JAK1: variants seen among roughly 807,000 people sequenced by gnomAD.
The protein encoded by JAK1 is tyrosine-protein kinase JAK1.
Under a neutral mutation model 136.6 loss-of-function variants are expected in JAK1, and 16 were observed. That is an observed-to-expected ratio of 0.12 (90% confidence interval 0.08 to 0.18). The LOEUF is 0.18. Ranked by LOEUF, JAK1 falls within the 10% of genes least tolerant of loss-of-function variation. JAK1 has a pLI of 1.00. For missense variants in JAK1, 859 were observed against 1,450.1 expected (o/e 0.59, Z 6.62); for synonymous variants, 492 against 519.5 (o/e 0.95, Z 0.72).
rs1295325497 is a variant in JAK1, at chr1:64,984,844, A to G, written c.-78+59636T>C. On this transcript the variant is annotated intron_variant, in intron 2 of 25. Coordinates refer to the JAK1 transcript ENST00000671954. This position sits in a 1 kb window ranked among gnomAD's most constrained non-coding sequence, Gnocchi z 4.1. ...TAGTAAGCAGCAGAAGGGAAAAGCA[A>G]TCTGACTAGGAAGTTGGAGGTCCAG... 18 of 1,165,370 alleles carry G rather than the reference A, an allele frequency of 1.5e-5. No individual in the cohort carries two copies. The highest frequency in any genetic ancestry group is 2.3e-5 in the Non-Finnish European group (18 of 777,638). The allele number at this position is 1,165,370 out of a possible 1,614,324, so 72.2% of individuals were successfully genotyped here. A position where few individuals can be genotyped will look rare whatever the true frequency, so the allele number is the denominator to read the frequency against.
intron 2 of JAK1, among the ~76,000 whole-genome samples, chr1:64,979,359 A>C (rs550076686): frequency 1.8e-4 from 27 of 152,348 alleles, no homozygotes; most frequent in African/African-American, 6.0e-4. Context: ...TGCTCATGCC[A>C]TTGCACCCCA....
At chr1:64,882,884 T>A (rs1188458945) in intron 3 of JAK1, among the ~76,000 whole-genome samples, 1 of 152,194 alleles carries the variant, frequency 6.6e-6, no homozygotes, top group Admixed American at 6.5e-5. Flanking sequence ...GATATTGAGA[T>A]ACGCTACTTG....
intron 1 of JAK1, among the ~76,000 whole-genome samples, chr1:64,890,302 T>C (rs566612598): frequency 7.1e-4 from 108 of 151,962 alleles, no homozygotes; most frequent in African/African-American, 2.2e-3. Context: ...AATTAGGTGA[T>C]CAAGAAGTAT....
chr1:64,914,547 T>C (rs1645358403), intron 1 of JAK1, among the ~76,000 whole-genome samples: 1 of 152,126 alleles, frequency 6.6e-6, no homozygotes, highest in Admixed American at 6.6e-5. Context: ...AACTGGGAAG[T>C]ATCTGGGCAA....
chr1:64,867,699 G>C (rs1014496353), intron 6 of JAK1, among the ~76,000 whole-genome samples: 1 of 152,172 alleles, frequency 6.6e-6, no homozygotes. Context: ...TTTTAAAAAT[G>C]AGAAAGAAAG....
At chr1:64,946,185 A>G (rs934579086) in intron 1 of JAK1, among the ~76,000 whole-genome samples, 4 of 152,254 alleles carry the variant, frequency 2.6e-5, no homozygotes, top group African/African-American at 7.2e-5. Flanking sequence ...CAGTAGGAGG[A>G]GCATCAGAGC....
chr1:64,922,889 T>C (rs984698414), intron 1 of JAK1, among the ~76,000 whole-genome samples: 2 of 152,212 alleles, frequency 1.3e-5, no homozygotes, highest in Admixed American at 1.3e-4. Flanking sequence ...CTTGAGCTTC[T>C]AAGCCTTACA....
chr1:64,889,487 T>C (rs572774445), intron 1 of JAK1, among the ~76,000 whole-genome samples: 2 of 152,290 alleles, frequency 1.3e-5, no homozygotes, highest in African/African-American at 4.8e-5. Context: ...TAGCTCAATT[T>C]TGTAGGTGCT....
intron 2 of JAK1, among the ~76,000 whole-genome samples, chr1:65,041,301 C>T (rs570928725): frequency 2.0e-5 from 3 of 152,282 alleles, no homozygotes; most frequent in African/African-American, 7.2e-5. Context: ...CCAGGCTGAA[C>T]CTGACCTAAA....
At chr1:64,873,935 G>C (rs1227727685) in intron 4 of JAK1, among the ~76,000 whole-genome samples, 1 of 152,130 alleles carries the variant, frequency 6.6e-6, no homozygotes, top group African/African-American at 2.4e-5. Flanking sequence ...CTGCAACTTA[G>C]TTTCATCACG....
At chr1:64,881,929 G>A (rs531047516) in intron 3 of JAK1, among the ~76,000 whole-genome samples, 5 of 152,066 alleles carry the variant, frequency 3.3e-5, no homozygotes, top group South Asian at 4.1e-4. Flanking sequence ...GGGAAAGGGA[G>A]AAAACAAAAA....
chr1:64,926,222 G>C (rs1297001152), intron 1 of JAK1, among the ~76,000 whole-genome samples: 3 of 152,110 alleles, frequency 2.0e-5, no homozygotes, highest in African/African-American at 7.2e-5. Flanking sequence ...CCTACGGCCA[G>C]TGCTATTGTC....
intron 1 of JAK1, among the ~76,000 whole-genome samples, chr1:64,888,916 A>G (rs1272431917): frequency 6.6e-6 from 1 of 152,220 alleles, no homozygotes; most frequent in East Asian, 1.9e-4. Context: ...TAAAAATAGA[A>G]AACACCCACA....
At chr1:64,852,297 A>T (rs1378661251) in intron 11 of JAK1, among the ~76,000 whole-genome samples, 1 of 152,134 alleles carries the variant, frequency 6.6e-6, no homozygotes, top group Non-Finnish European at 1.5e-5. Context: ...TCGTAATCTT[A>T]GGATTCACAC....
chr1:64,875,679 C>T (rs1405835820), intron 4 of JAK1, among the ~76,000 whole-genome samples: 1 of 152,198 alleles, frequency 6.6e-6, no homozygotes, highest in Non-Finnish European at 1.5e-5. Context: ...TGACTGTGGG[C>T]TTTGGTGTCT....
At chr1:65,043,712 T>A (rs1262901582) in intron 2 of JAK1, among the ~76,000 whole-genome samples, 2 of 148,348 alleles carry the variant, frequency 1.3e-5, no homozygotes, top group African/African-American at 4.9e-5. Context: ...TTTTTTTTTT[T>A]TTTTTTTTTT....
chr1:65,033,766 T>C (rs917776882), intron 2 of JAK1, among the ~76,000 whole-genome samples: 14 of 149,626 alleles, frequency 9.4e-5, no homozygotes, highest in African/African-American at 3.5e-4. Context: ...GTATAGTATG[T>C]AGTGTAAGAG....
At chr1:65,006,811 C>A (rs368501164) in intron 2 of JAK1, among the ~76,000 whole-genome samples, 1 of 152,044 alleles carries the variant, frequency 6.6e-6, no homozygotes, top group Non-Finnish European at 1.5e-5. Flanking sequence ...ATAATATTTA[C>A]GTTGATTCAT....
Position 64,984,802 on chromosome 1 carries a change from A to C in JAK1, c.-78+59678T>G, listed in dbSNP as rs1646582423. 1.9e-6 allele frequency: 2 copies of C among 1,074,138 alleles called. No homozygotes were observed. The highest frequency in any genetic ancestry group is 3.2e-5 in the African/African-American group (2 of 63,348). 66.5% of individuals were successfully genotyped at this position (1,074,138 alleles called of 1,614,324 possible). The stretch of plus-strand genomic sequence containing the variant: ...ATGAGGAAGTCGGTGAAGATAATAA[A>C]AACGTAGGCTCCTAAATAGTAAGCA... On this transcript the variant is annotated intron_variant, in intron 2 of 25. Transcript: ENST00000671954. This position sits in a 1 kb window ranked among gnomAD's most constrained non-coding sequence, Gnocchi z 4.1.
Sources: allele counts gnomAD v4.1 joint callset (sites outside exome capture counted in the v4.1 genomes callset), GRCh38; gene constraint gnomAD v4.1.1; non-coding constraint Gnocchi (gnomAD v3.1); transcripts MANE v1.5; gene names NCBI Gene and HGNC (gene_info 2026-07-23, HGNC 2026-07-21).